The following KCNK10 variants were observed in gnomAD, a reference collection of about 807,000 sequenced individuals.
The protein encoded by KCNK10 is potassium channel subfamily K member 10.
KCNK10 carries 25 observed loss-of-function variants against 47.7 expected under a neutral mutation model. The observed-to-expected ratio is 0.52, with a 90% CI of 0.38 to 0.73. KCNK10 has a LOEUF of 0.73. Among genes scored for constraint, KCNK10 ranks in the 30% least tolerant of loss-of-function variants. The pLI is 0.00. For synonymous variants in KCNK10, 303 were observed against 285.6 expected, an observed-to-expected ratio of 1.06 and a Z score of -0.61; for missense variants, 563 against 714.5, an observed-to-expected ratio of 0.79 and a Z score of 2.42.
At chr14:88,320,269 T>A (rs1044696677) in intron 1 of KCNK10, among the ~76,000 whole-genome samples, 40 of 152,316 alleles carry the variant, frequency 2.6e-4, no homozygotes, top group Non-Finnish European at 5.7e-4. Context: ...TTTATTGAGG[T>A]TTTTTTCATT....
chr14:88,233,243 C>T (rs1365695075), intron 3 of KCNK10, among the ~76,000 whole-genome samples: 1 of 152,166 alleles, frequency 6.6e-6, no homozygotes, highest in Non-Finnish European at 1.5e-5. Context: ...AAACAAGACC[C>T]CATTCACCAC....
chr14:88,281,422 G>T (rs1344498752), intron 1 of KCNK10, among the ~76,000 whole-genome samples: 2 of 152,172 alleles, frequency 1.3e-5, no homozygotes, highest in Non-Finnish European at 2.9e-5. Flanking sequence ...AGTGAGTAAA[G>T]CAGATTTCTC....
In KCNK10 at chr14:88,180,546, A is replaced by G; in HGVS notation, c.*4989T>C. On this transcript the variant is annotated 3_prime_UTR_variant, in exon 7 of 7. Transcript: ENST00000319231. ...CATAGGTCTGCTGAATCGACGGAGC[A>G]GGAGTCCTCTCAAAATAATTTATTT... 2.8e-6 allele frequency: 1 copy of G among 360,954 alleles called. No homozygotes were observed. The highest frequency in any genetic ancestry group is 4.9e-6 in the Non-Finnish European group (1 of 202,758). 22.4% of individuals were successfully genotyped at this position (360,954 alleles called of 1,614,324 possible). A position where few individuals can be genotyped will look rare whatever the true frequency, so the allele number is the denominator to read the frequency against.
intron 1 of KCNK10, among the ~76,000 whole-genome samples, chr14:88,283,795 T>A (rs1887704633): frequency 6.6e-6 from 1 of 151,938 alleles, no homozygotes; most frequent in Non-Finnish European, 1.5e-5. Flanking sequence ...GCACCTGTAG[T>A]CCCAGCTACT....
At chr14:88,248,955 C>G (rs1037497363) in intron 2 of KCNK10, among the ~76,000 whole-genome samples, 1 of 152,136 alleles carries the variant, frequency 6.6e-6, no homozygotes, top group African/African-American at 2.4e-5. Context: ...CTCACAAAAT[C>G]CTGTGAGGTT....
At chr14:88,292,463 C>T (rs998648444) in intron 1 of KCNK10, among the ~76,000 whole-genome samples, 1 of 152,080 alleles carries the variant, frequency 6.6e-6, no homozygotes, top group Non-Finnish European at 1.5e-5. Flanking sequence ...GATTCTCCTG[C>T]CTCAGCATCC....
chr14:88,266,244 C>T (rs560303547), intron 1 of KCNK10, among the ~76,000 whole-genome samples: 9 of 152,304 alleles, frequency 5.9e-5, no homozygotes, highest in South Asian at 2.1e-4. Flanking sequence ...GGATGAGCAG[C>T]GTCAAATGGC....
intron 4 of KCNK10, among the ~76,000 whole-genome samples, chr14:88,227,045 A>G (rs770034905): frequency 2.0e-5 from 3 of 152,210 alleles, no homozygotes; most frequent in Admixed American, 6.5e-5. Flanking sequence ...TTTCTACATC[A>G]TTACAAACAC....
chr14:88,264,852 C>T (rs972871386), intron 1 of KCNK10, among the ~76,000 whole-genome samples: 3 of 152,226 alleles, frequency 2.0e-5, no homozygotes, highest in Non-Finnish European at 4.4e-5. Flanking sequence ...TCCCTAAAGA[C>T]GCTGCATTCA....
chr14:88,248,892 T>C (rs921463352), intron 2 of KCNK10, among the ~76,000 whole-genome samples: 2 of 152,150 alleles, frequency 1.3e-5, no homozygotes, highest in Admixed American at 1.3e-4. Context: ...AAATTAATCA[T>C]AGCTGCCAGC....
At chr14:88,324,485 G>A (rs936968538), upstream of KCNK10, among the ~76,000 whole-genome samples, 3 of 152,122 alleles carry the variant, frequency 2.0e-5, no homozygotes, top group Non-Finnish European at 4.4e-5. Flanking sequence ...CCCTACTCTG[G>A]CTTCCAGATA....
chr14:88,227,645 A>G (rs772675753), intron 3 of KCNK10, 110 bp from the exon 4 acceptor site: 36 of 907,778 alleles, frequency 4.0e-5, no homozygotes, highest in Non-Finnish European at 5.7e-5. Context: ...TATGAGCTTC[A>G]GGGAGTAGAA....
chr14:88,303,699 G>A (rs1030531257), intron 1 of KCNK10, among the ~76,000 whole-genome samples: 6 of 152,276 alleles, frequency 3.9e-5, no homozygotes, highest in Middle Eastern at 3.4e-3. Context: ...ATCTAGAGAG[G>A]AATCAAGGTG....
chr14:88,239,587 G>A (rs987189540), intron 3 of KCNK10, among the ~76,000 whole-genome samples: 1 of 152,248 alleles, frequency 6.6e-6, no homozygotes, highest in African/African-American at 2.4e-5. Flanking sequence ...GGCCAGGTGC[G>A]GTGGCTCACG....
upstream of KCNK10, chr14:88,326,687 G>GGGCAC (rs1383701298): frequency 8.9e-6 from 5 of 563,606 alleles, no homozygotes; most frequent in Non-Finnish European, 9.4e-6. Context: ...CGCTGCTACC[G>GGGCAC]GGCACGGGTC....
Position 88,183,194 on chromosome 14 carries a change from C to G in KCNK10, c.*2341G>C, listed in dbSNP as rs1884426800. On this transcript the variant is annotated 3_prime_UTR_variant, in exon 7 of 7. Transcript: ENST00000319231. ...GATAAATAACATAGCTTCCCTGAGCCTCTGTGTCCTTGTGTATATAATGGG... is the reference window on the plus strand; with the variant it reads ...GATAAATAACATAGCTTCCCTGAGCGTCTGTGTCCTTGTGTATATAATGGG... 6.6e-6 allele frequency: 1 copy of G among 152,242 alleles called. No individual in the cohort carries two copies. Among genetic ancestry groups the G allele is most frequent in the Admixed American group, 6.5e-5 (1 of 15,286 alleles). 9.4% of individuals were successfully genotyped at this position (152,242 alleles called of 1,614,324 possible).
At chr14:88,313,283 C>G (rs187078321) in intron 1 of KCNK10, among the ~76,000 whole-genome samples, 20 of 152,290 alleles carry the variant, frequency 1.3e-4, no homozygotes, top group Admixed American at 4.6e-4. Flanking sequence ...AAAATTCTTA[C>G]GGTGATTTTT....
upstream of KCNK10, chr14:88,326,788 G>C (rs1290543156): frequency 6.6e-6 from 2 of 303,762 alleles, no homozygotes; most frequent in African/African-American, 4.5e-5. Flanking sequence ...GGAAGGCTGG[G>C]AAAGCCCGAA....
chr14:88,250,784 A>G (rs1886771384), intron 2 of KCNK10, among the ~76,000 whole-genome samples: 1 of 152,064 alleles, frequency 6.6e-6, no homozygotes, highest in Non-Finnish European at 1.5e-5. Context: ...CCAGCTTCTC[A>G]GGAGGCTGAG....
Sources: gnomAD v4.1 joint callset for allele counts (sites outside exome capture counted in the v4.1 genomes callset) on GRCh38, gnomAD v4.1.1 for gene constraint, MANE v1.5 for transcripts, NCBI Gene and HGNC (gene_info 2026-07-23, HGNC 2026-07-21) for gene names.